MTMR10: variants seen among roughly 807,000 people sequenced by gnomAD.
MTMR10 encodes the protein myotubularin related protein 10.
Under a neutral mutation model 88.1 loss-of-function variants are expected in MTMR10, and 56 were observed. That is an observed-to-expected ratio of 0.64 (90% confidence interval 0.51 to 0.79). The LOEUF (loss-of-function observed/expected upper bound fraction) is 0.79, where lower values mean the gene tolerates loss of function less well. MTMR10 is among the 30% of genes least tolerant of loss of function. The pLI, the probability that MTMR10 is intolerant of heterozygous loss-of-function variation, is 0.00. For synonymous variants in MTMR10, 380 were observed against 340.9 expected, an observed-to-expected ratio of 1.11 and a Z score of -1.26; for missense variants, 883 against 924.7, an observed-to-expected ratio of 0.95 and a Z score of 0.58.
chr15:30,982,443 T>C (rs1439952649), intron 2 of MTMR10, among the ~76,000 whole-genome samples: 2 of 148,756 alleles, frequency 1.3e-5, no homozygotes, highest in Admixed American at 1.3e-4. Flanking sequence ...AAAATAAAAC[T>C]ACTAAAGAAG....
At chr15:30,971,084 A>G (rs1039995863) in intron 5 of MTMR10, among the ~76,000 whole-genome samples, 21 of 152,132 alleles carry the variant, frequency 1.4e-4, no homozygotes, top group African/African-American at 4.8e-4. Context: ...AGAGAAAGCC[A>G]GGGCCCCATT....
At position 30,963,264 on chromosome 15, in the gene MTMR10, TG is replaced by T. The variant is rs796354983; in HGVS notation, c.566-2192del. Among the ~76,000 whole-genome samples the T allele has an allele frequency of 4.5e-4, 69 of 152,252 alleles. 1 individual carries two copies. Among genetic ancestry groups the T allele is most frequent in the African/African-American group, 1.6e-3 (68 of 41,562 alleles). ...GCTGCTCTAGATTACGGAGGGGCTA[TG>T]TTAGGAATTTGGACTCCTCTTAAGT... On this transcript the variant is annotated intron_variant, in intron 6 of 15. Coordinates refer to ENST00000435680, the MANE Select transcript of MTMR10 (RefSeq NM_017762.3).
intron 12 of MTMR10, 30 bp downstream of exon 12, chr15:30,951,929 TATGGTGGTC>T: frequency 6.4e-7 from 1 of 1,550,706 alleles, no homozygotes; most frequent in African/African-American, 1.4e-5. Context: ...GGCTGGCTGG[TATGGTGGTC>T]ATGGTGCTTT....
At chr15:30,982,009 T>G (rs1224678174) in intron 2 of MTMR10, among the ~76,000 whole-genome samples, 1 of 150,632 alleles carries the variant, frequency 6.6e-6, no homozygotes, top group African/African-American at 2.5e-5. Flanking sequence ...AGCTGGAGGT[T>G]GCGGTGAGCG....
chr15:30,941,063 C>CTG lies in MTMR10; in HGVS notation c.*405_*406dup. 8.4e-7 allele frequency: 1 copy of CTG among 1,196,766 alleles called. No homozygotes were observed. The highest frequency in any genetic ancestry group is 1.1e-6 in the Non-Finnish European group (1 of 948,296). The allele number at this position is 1,196,766 out of a possible 1,614,324, so 74.1% of individuals were successfully genotyped here. A position where few individuals can be genotyped will look rare whatever the true frequency, so the allele number is the denominator to read the frequency against. On this transcript the variant is annotated 3_prime_UTR_variant, in exon 16 of 16. Coordinates refer to ENST00000435680, the MANE Select transcript of MTMR10 (RefSeq NM_017762.3). ...ATACATGAATACTTCCTAAAACCTGCTGGAGGTTTTATCAGATGCTCCTAA... is the reference window on the plus strand; with the variant it reads ...ATACATGAATACTTCCTAAAACCTGCTGTGGAGGTTTTATCAGATGCTCCTAA...
At chr15:30,969,258 CA>C (rs993815537) in intron 5 of MTMR10, among the ~76,000 whole-genome samples, 30 of 150,178 alleles carry the variant, frequency 2.0e-4, no homozygotes, top group African/African-American at 6.1e-4. Flanking sequence ...TAGTTTTGAC[CA>C]AAAAGAAAAA....
intron 3 of MTMR10, among the ~76,000 whole-genome samples, chr15:30,975,215 T>C (rs2030035336): frequency 6.6e-6 from 1 of 152,130 alleles, no homozygotes; most frequent in Non-Finnish European, 1.5e-5. Context: ...AGATAGGGAA[T>C]ATCATCAATC....
chr15:30,948,245 CAA>C, intron 13 of MTMR10, 55 bp downstream of exon 13: 1 of 1,492,708 alleles, frequency 6.7e-7, no homozygotes, highest in Non-Finnish European at 9.0e-7. Context: ...TTTAATGACA[CAA>C]ATTTTATTTT....
chr15:30,976,765 A>G, intron 3 of MTMR10, 54 bp downstream of exon 3: 1 of 1,556,146 alleles, frequency 6.4e-7, no homozygotes, highest in Non-Finnish European at 8.7e-7. Context: ...AATAATATGT[A>G]CCACTTAGAG....
Position 30,991,534 on chromosome 15 carries a change from C to T in MTMR10, c.-28G>A, listed in dbSNP as rs1372584585. The T allele has an allele frequency of 2.6e-6, 4 of 1,534,808 alleles. No individual in the cohort carries two copies. In the Admixed American group the frequency reaches 6.9e-5, roughly 26 times the overall value. On this transcript the variant is annotated 5_prime_UTR_variant, in exon 1 of 16. Transcript: ENST00000435680. ...TGCCGCCGCCTTTTCGCCCCGTTCC[C>T]GTCGCGGGCCAGTGGCAGCGCCGAC...
At chr15:30,936,191 TGTA>T (rs1332725383), downstream of MTMR10, among the ~76,000 whole-genome samples, 2 of 152,152 alleles carry the variant, frequency 1.3e-5, no homozygotes, top group Admixed American at 1.3e-4. Flanking sequence ...GAAGATGACA[TGTA>T]GTATATATTT....
chr15:30,983,361 A>C (rs1447054478), intron 2 of MTMR10, among the ~76,000 whole-genome samples: 1 of 152,156 alleles, frequency 6.6e-6, no homozygotes, highest in Non-Finnish European at 1.5e-5. Context: ...ATCCAAGTTT[A>C]TTTTCTCAAG....
the MTMR10 span, among the ~76,000 whole-genome samples, chr15:30,923,811 T>A: frequency 6.6e-6 from 1 of 152,216 alleles, no homozygotes; most frequent in African/African-American, 2.4e-5. Flanking sequence ...GGTTTTTATT[T>A]TTTCTTTCAC....
intron 14 of MTMR10, chr15:30,943,522 CTTCGTAAGTGGGGAGCTACA>C: frequency 1.0e-6 from 1 of 985,416 alleles, no homozygotes; most frequent in Non-Finnish European, 1.2e-6. Context: ...TTATAACTTA[CTTCGTAAGTGGGGAGCTACA>C]CTTCACTGAG....
chr15:30,932,818 T>G, the MTMR10 span, among the ~76,000 whole-genome samples: 1 of 151,542 alleles, frequency 6.6e-6, no homozygotes, highest in African/African-American at 2.4e-5. Context: ...GTTCAAGTGA[T>G]TCTCGTGCCT....
chr15:30,980,661 G>C (rs2030506044), intron 2 of MTMR10, among the ~76,000 whole-genome samples: 1 of 152,166 alleles, frequency 6.6e-6, no homozygotes, highest in South Asian at 2.1e-4. Context: ...AGAAATGGCT[G>C]ATTCCAAGGC....
chr15:30,940,450 GAGA>G lies in MTMR10; in HGVS notation c.*1017_*1019del, dbSNP rs1280554215. On this transcript the variant is annotated 3_prime_UTR_variant, in exon 16 of 16. Coordinates refer to ENST00000435680, the MANE Select transcript of MTMR10 (RefSeq NM_017762.3). Reference sequence around the variant, plus strand: ...TATTCCTAAGCATTAGGAACTATGAGAGAAGGACATCTGTGCAGGTGCCCAACT... The same window carrying G: ...TATTCCTAAGCATTAGGAACTATGAGAGGACATCTGTGCAGGTGCCCAACT... 7.7e-5 allele frequency: 76 copies of G among 985,298 alleles called. No individual in the cohort carries two copies. The highest frequency in any genetic ancestry group is 8.7e-5 in the African/African-American group (5 of 57,222). 61.0% of individuals were successfully genotyped at this position (985,298 alleles called of 1,614,324 possible). A position where few individuals can be genotyped will look rare whatever the true frequency, so the allele number is the denominator to read the frequency against.
At chr15:30,934,884 A>G (rs1274467489), downstream of MTMR10, among the ~76,000 whole-genome samples, 1 of 152,190 alleles carries the variant, frequency 6.6e-6, no homozygotes, top group African/African-American at 2.4e-5. Flanking sequence ...TTTTACTTCT[A>G]CGTGTTATAT....
intron 2 of MTMR10, 30 bp downstream of exon 2, chr15:30,990,747 G>A: frequency 3.2e-6 from 5 of 1,584,716 alleles, no homozygotes; most frequent in Non-Finnish European, 4.3e-6. Flanking sequence ...CGTTGCTAAA[G>A]TATCTGTTAG....
Sources: allele counts gnomAD v4.1 joint callset (sites outside exome capture counted in the v4.1 genomes callset), GRCh38; gene constraint gnomAD v4.1.1; transcripts MANE v1.5; gene names NCBI Gene and HGNC (gene_info 2026-07-23, HGNC 2026-07-21).